TTC23L: variants seen among roughly 807,000 people sequenced by gnomAD.
TTC23L encodes the protein tetratricopeptide repeat domain 23 like.
A neutral mutation model predicts 48.1 loss-of-function variants in TTC23L; 42 were observed. The ratio of observed to expected loss-of-function variants is 0.87; its 90% CI spans 0.68 to 1.13. The LOEUF (loss-of-function observed/expected upper bound fraction) is 1.13. Ranked by LOEUF, TTC23L falls within the 50% of genes most tolerant of loss-of-function variation. TTC23L has a pLI of 0.00. For synonymous variants in TTC23L, 159 were observed against 157.2 expected (o/e 1.01, Z -0.09); for missense variants, 391 against 421.0 (o/e 0.93, Z 0.62).
intron 8 of TTC23L, among the ~76,000 whole-genome samples, chr5:34,871,783 T>C (rs563006772): frequency 1.3e-5 from 2 of 152,110 alleles, no homozygotes; most frequent in Non-Finnish European, 2.9e-5. Flanking sequence ...AGTACAGAAA[T>C]AGACCTGTAT....
intron 9 of TTC23L, chr5:34,888,407 T>G: frequency 1.1e-6 from 1 of 905,978 alleles, no homozygotes. Context: ...GCAGTTAAGG[T>G]GCTTGCTATC....
rs371369760 is a variant in TTC23L, at chr5:34,863,088, G to C, written c.536+34G>C. The C allele has an allele frequency of 9.3e-6, 15 of 1,611,684 alleles. No homozygotes were observed. The highest frequency in any genetic ancestry group is 2.7e-5 in the African/African-American group (2 of 74,864). On this transcript the variant is annotated intron_variant, in intron 5 of 10. Transcript: ENST00000505624. This position sits in a 1 kb window ranked among gnomAD's most constrained non-coding sequence, Gnocchi z 4.1. ...CCATTCCTAGCTGCGTTTAGTGTTC[G>C]GGGCCACAGGCCACACATGCCAGAT...
chr5:34,846,644 T>C (rs925946542), intron 3 of TTC23L, among the ~76,000 whole-genome samples: 11 of 135,404 alleles, frequency 8.1e-5, no homozygotes, highest in Admixed American at 7.9e-5. Context: ...TATACGTATA[T>C]ATACAAATAC....
chr5:34,888,400 G>C, intron 9 of TTC23L: 1 of 858,202 alleles, frequency 1.2e-6, no homozygotes, highest in Non-Finnish European at 1.4e-6. Context: ...TTGGTTTGCA[G>C]TTAAGGTGCT....
chr5:34,873,655 T>C (rs1463513066), intron 8 of TTC23L, among the ~76,000 whole-genome samples: 2 of 152,182 alleles, frequency 1.3e-5, no homozygotes, highest in Non-Finnish European at 2.9e-5. Context: ...TTCTGGTTGG[T>C]GTGAGTGGCA....
chr5:34,908,845 T>G, the TTC23L span: 2 of 1,612,592 alleles, frequency 1.2e-6, no homozygotes, highest in Non-Finnish European at 8.5e-7. Flanking sequence ...TCATTTCTAA[T>G]CATATACTGT....
intron 4 of TTC23L, among the ~76,000 whole-genome samples, chr5:34,859,115 T>A (rs1429770367): frequency 6.6e-6 from 1 of 152,108 alleles, no homozygotes; most frequent in Non-Finnish European, 1.5e-5. Flanking sequence ...CCAGAAGGAG[T>A]GTCCGCTCAT....
chr5:34,882,659 A>ACACACACACACACACAC (rs56232363), intron 9 of TTC23L, among the ~76,000 whole-genome samples: 10 of 144,148 alleles, frequency 6.9e-5, no homozygotes, highest in Non-Finnish European at 1.2e-4. Flanking sequence ...ACACACACAC[A>ACACACACACACACACAC]ATATCTTTTG....
chr5:34,877,942 C>T (rs1761973400), intron 8 of TTC23L, among the ~76,000 whole-genome samples: 1 of 152,054 alleles, frequency 6.6e-6, no homozygotes, highest in Non-Finnish European at 1.5e-5. Flanking sequence ...TTGAAAGAAT[C>T]AACAAAAATA....
At chr5:34,919,918 T>A in the TTC23L span, 1 of 829,772 alleles carries the variant, frequency 1.2e-6, no homozygotes, top group East Asian at 2.8e-5. Context: ...AAAATATTTT[T>A]AAAATGTTAA....
At chr5:34,916,698 G>A in the TTC23L span, 2 of 152,154 alleles carry the variant, frequency 1.3e-5, no homozygotes, top group Non-Finnish European at 2.9e-5. Context: ...TGCGTCCTCC[G>A]CACTTAGCAT....
chr5:34,911,684 C>T, the TTC23L span: 3 of 1,614,146 alleles, frequency 1.9e-6, no homozygotes, highest in Non-Finnish European at 2.5e-6. Context: ...CTGCAGAAAT[C>T]AAAGTCCAGG....
intron 10 of TTC23L, among the ~76,000 whole-genome samples, chr5:34,899,101 G>A (rs778400350): frequency 1.3e-5 from 2 of 152,166 alleles, no homozygotes; most frequent in African/African-American, 2.4e-5. Flanking sequence ...AACAATCCAG[G>A]TGGCTCAAAT....
At chr5:34,897,321 T>C (rs1219799943) in intron 10 of TTC23L, among the ~76,000 whole-genome samples, 2 of 151,694 alleles carry the variant, frequency 1.3e-5, no homozygotes, top group Non-Finnish European at 2.9e-5. Flanking sequence ...GAGGTGGAGG[T>C]TGCAGTGAGC....
At position 34,846,576 on chromosome 5, in the gene TTC23L, A is replaced by AAAATATAT. The variant is rs1208315692; in HGVS notation, c.255+904_255+905insAATATATA. Among the ~76,000 whole-genome samples, 5 of 98,314 alleles carry AAAATATAT rather than the reference A, an allele frequency of 5.1e-5. 1 individual carries two copies. Among genetic ancestry groups the AAAATATAT allele is most frequent in the African/African-American group, 2.5e-4 (4 of 16,014 alleles). 64.5% of individuals were successfully genotyped at this position (98,314 alleles called of 152,430 possible). Reference sequence around the variant, plus strand: ...GACTCTGTCTCAAAAAAAAAAAAAAAATATATATATATATATATATATATA... The same window carrying AAAATATAT: ...GACTCTGTCTCAAAAAAAAAAAAAAAAAATATATATATATATATATATATATATATATA... On this transcript the variant is annotated intron_variant, in intron 3 of 10. Coordinates refer to ENST00000505624, the Ensembl canonical transcript of TTC23L.
chr5:34,920,702 A>G, the TTC23L span: 2 of 152,236 alleles, frequency 1.3e-5, no homozygotes, highest in African/African-American at 4.8e-5. Context: ...ATTTGAGCAG[A>G]GACGTAGTGA....
chr5:34,847,403 T>A (rs1395499291), intron 3 of TTC23L, among the ~76,000 whole-genome samples: 1 of 152,086 alleles, frequency 6.6e-6, no homozygotes, highest in Non-Finnish European at 1.5e-5. Flanking sequence ...GAAATCTGAC[T>A]CAAATCCCAA....
chr5:34,861,837 G>A (rs1426548913), intron 4 of TTC23L, among the ~76,000 whole-genome samples: 4 of 152,206 alleles, frequency 2.6e-5, no homozygotes, highest in Non-Finnish European at 2.9e-5. Flanking sequence ...TACCTGCAGA[G>A]AGAGGGCTGA....
At chr5:34,902,695 C>T (rs533943613), downstream of TTC23L, among the ~76,000 whole-genome samples, 10 of 152,204 alleles carry the variant, frequency 6.6e-5, no homozygotes, top group South Asian at 4.2e-4. Context: ...TGGCAGTTGC[C>T]GACTAACTCC....
Sources: allele counts gnomAD v4.1 joint callset (sites outside exome capture counted in the v4.1 genomes callset), GRCh38; gene constraint gnomAD v4.1.1; non-coding constraint Gnocchi (gnomAD v3.1); transcripts MANE v1.5; gene names NCBI Gene and HGNC (gene_info 2026-07-23, HGNC 2026-07-21).